Variants in ERC1 observed in about 807,000 individuals in gnomAD.
ERC1 encodes ELKS/RAB6-interacting/CAST family member 1.
ERC1 carries 56 observed loss-of-function variants against 132.0 expected under a neutral mutation model. That is an observed-to-expected ratio of 0.42 (90% confidence interval 0.34 to 0.53). The LOEUF is 0.53. ERC1 is among the 20% of genes least tolerant of loss of function. ERC1 has a pLI of 0.03. For synonymous variants in ERC1, 478 were observed against 476.1 expected (o/e 1.00, Z -0.05); for missense variants, 1,202 against 1,349.9 (o/e 0.89, Z 1.72).
chr12:1,255,790 T>G lies in ERC1; in HGVS notation c.2488-7244T>G, dbSNP rs2076772922. On this transcript the variant is annotated intron_variant, in intron 13 of 18. Transcript: ENST00000360905. ...TGGGACTACAGGCACCCACCACCACTCCTGGCTAATTTTTTTTTGTATTTT... is the reference window on the plus strand; with the variant it reads ...TGGGACTACAGGCACCCACCACCACGCCTGGCTAATTTTTTTTTGTATTTT... Among the ~76,000 whole-genome samples the G allele has an allele frequency of 2.0e-5, 3 of 150,742 alleles. No individual in the cohort carries two copies. The South Asian group carries it at 6.3e-4, about 32-fold the overall frequency.
In ERC1 at chr12:1,027,962, G is replaced by A. The variant is rs549963000; in HGVS notation, c.59G>A (p.Arg20His). The A allele has an allele frequency of 2.0e-5, 33 of 1,614,044 alleles. No homozygotes were observed. Among genetic ancestry groups the A allele is most frequent in the South Asian group, 1.9e-4 (17 of 91,066 alleles). ...GAGCCGAGCAGCCAGAGCCCTGGGC[G>A]TTCACCCAGGCTTCCACGTTCCCCT... ...KVEPSSQSPGRSPRLPRSPRL... is the reference protein window; with the variant it reads ...KVEPSSQSPGHSPRLPRSPRL... The change falls in exon 2 of 19, where the codon CGT becomes CAT. Residue 20 changes from arginine to histidine, a missense_variant. Arg to His is a conservative substitution (Grantham distance 29). Transcript: ENST00000360905.
At chr12:1,093,994 T>C (rs1302067318) in intron 3 of ERC1, among the ~76,000 whole-genome samples, 2 of 126,594 alleles carry the variant, frequency 1.6e-5, no homozygotes, top group Non-Finnish European at 3.4e-5. Flanking sequence ...TAGAAAAACA[T>C]AGAAAATGAA....
chr12:1,405,191 T>A (rs905148721), intron 16 of ERC1, among the ~76,000 whole-genome samples: 1 of 135,168 alleles, frequency 7.4e-6, no homozygotes, highest in Non-Finnish European at 1.6e-5. Flanking sequence ...ATAAATAAAA[T>A]AATATAAAAT....
chr12:1,284,169 C>T (rs1020569706), intron 14 of ERC1, among the ~76,000 whole-genome samples: 2 of 152,070 alleles, frequency 1.3e-5, no homozygotes, highest in East Asian at 1.9e-4. Flanking sequence ...TCTGTCTTTC[C>T]GTGCCTGGCT....
rs67132193 is a variant in ERC1, at chr12:1,225,449, TACACACACACACACAC to T, written c.2352-11291_2352-11276del. Reference sequence around the variant, plus strand: ...AGGACAACAAAATGAGGCTGTCTCTTACACACACACACACACACACACACACACACACACACACACA... The same window carrying T: ...AGGACAACAAAATGAGGCTGTCTCTTACACACACACACACACACACACACA... On this transcript the variant is annotated intron_variant, in intron 12 of 18. Coordinates refer to ENST00000360905, the MANE Select transcript of ERC1 (RefSeq NM_178040.4). Among the ~76,000 whole-genome samples the T allele has an allele frequency of 5.6e-3, 744 of 131,840 alleles. 1 individual carries two copies. Among genetic ancestry groups the T allele is most frequent in the Non-Finnish European group, 8.4e-3 (515 of 60,994 alleles). 86.5% of individuals were successfully genotyped at this position (131,840 alleles called of 152,430 possible).
intron 15 of ERC1, among the ~76,000 whole-genome samples, chr12:1,350,933 T>C (rs2084936716): frequency 6.6e-6 from 1 of 152,140 alleles, no homozygotes; most frequent in Non-Finnish European, 1.5e-5. Flanking sequence ...CCCACTCTCC[T>C]GGGAACTAAT....
chr12:1,261,191 T>G (rs1199138464), intron 13 of ERC1, among the ~76,000 whole-genome samples: 1 of 152,234 alleles, frequency 6.6e-6, no homozygotes, highest in Non-Finnish European at 1.5e-5. Flanking sequence ...TCCTGGGAAG[T>G]TATTTGGAAT....
In ERC1 at chr12:1,421,655, T is replaced by C. The variant is rs111726777; in HGVS notation, c.3024+13408T>C. Among the ~76,000 whole-genome samples the C allele has an allele frequency of 6.8e-3, 1,035 of 152,230 alleles. 16 individuals carry two copies. Among genetic ancestry groups the C allele is most frequent in the African/African-American group, 0.024 (981 of 41,522 alleles). ...CAGTGATGTTATCTATAGGAGTAAT[T>C]GGGGAAGTTACAAATTTTGTAACCT... On this transcript the variant is annotated intron_variant, in intron 17 of 18. Transcript: ENST00000360905.
At chr12:1,012,841 G>A (rs1435829266) in intron 1 of ERC1, among the ~76,000 whole-genome samples, 2 of 152,080 alleles carry the variant, frequency 1.3e-5, no homozygotes, top group African/African-American at 4.8e-5. Flanking sequence ...TTAGAGAGAT[G>A]ACATGCATAT....
At chr12:1,404,157 A>G (rs759596952) in intron 16 of ERC1, among the ~76,000 whole-genome samples, 3 of 152,234 alleles carry the variant, frequency 2.0e-5, no homozygotes, top group South Asian at 2.1e-4. Context: ...AGATCAAGGC[A>G]GCAGCAGATT....
Position 1,446,589 on chromosome 12 carries a change from T to C in ERC1, c.3213+1839T>C, listed in dbSNP as rs560871436. Among the ~76,000 whole-genome samples the C allele has an allele frequency of 2.0e-5, 3 of 152,302 alleles. No individual in the cohort carries two copies. The South Asian group carries it at 6.2e-4, about 32-fold the overall frequency. ...TTGTTTACTCGTGTGTGAAGGTAAATTGTATTTAATACAGAACTTCCTGTG... is the reference window on the plus strand; with the variant it reads ...TTGTTTACTCGTGTGTGAAGGTAAACTGTATTTAATACAGAACTTCCTGTG... On this transcript the variant is annotated intron_variant, in intron 18 of 18. Coordinates refer to ENST00000360905, the MANE Select transcript of ERC1 (RefSeq NM_178040.4).
At chr12:1,393,292 C>G (rs976211416) in intron 16 of ERC1, among the ~76,000 whole-genome samples, 8 of 152,292 alleles carry the variant, frequency 5.3e-5, no homozygotes, top group African/African-American at 1.9e-4. Context: ...CTTTGGGAAA[C>G]TGAAAGGCAA....
At chr12:1,162,938 GTTC>G (rs1357023392) in intron 8 of ERC1, among the ~76,000 whole-genome samples, 1 of 152,036 alleles carries the variant, frequency 6.6e-6, no homozygotes, top group African/African-American at 2.4e-5. Context: ...TCACTTTGCA[GTTC>G]TTTGTTGATG....
intron 8 of ERC1, among the ~76,000 whole-genome samples, chr12:1,147,086 G>A (rs966224756): frequency 4.6e-5 from 7 of 152,154 alleles, no homozygotes; most frequent in East Asian, 3.9e-4. Context: ...ATAAACATAC[G>A]TGTGCATGTG....
At chr12:1,119,412 T>A (rs12579409) in intron 7 of ERC1, among the ~76,000 whole-genome samples, 6 of 152,136 alleles carry the variant, frequency 3.9e-5, no homozygotes, top group African/African-American at 1.4e-4. Flanking sequence ...AGTAATATAG[T>A]GGTTAAAAGC....
chr12:1,234,792 C>T (rs1459163619), intron 12 of ERC1, among the ~76,000 whole-genome samples: 1 of 152,112 alleles, frequency 6.6e-6, no homozygotes, highest in Non-Finnish European at 1.5e-5. Context: ...ACTTTGTACA[C>T]ACCAGAAGTG....
At chr12:1,353,684 G>A (rs74057163) in intron 15 of ERC1, among the ~76,000 whole-genome samples, 10,043 of 152,086 alleles carry the variant, frequency 0.066, 595 homozygotes, top group African/African-American at 0.15. Context: ...GTTCTGTGAG[G>A]TCTCTTGTTA....
intron 15 of ERC1, among the ~76,000 whole-genome samples, chr12:1,344,686 C>CT (rs1246308589): frequency 6.6e-6 from 1 of 152,012 alleles, no homozygotes; most frequent in African/African-American, 2.4e-5. Context: ...TCTAGGAAAA[C>CT]TAACATTTGT....
chr12:1,211,131 G>A (rs746531142), intron 12 of ERC1, among the ~76,000 whole-genome samples: 13 of 152,034 alleles, frequency 8.6e-5, no homozygotes, highest in Non-Finnish European at 1.6e-4. Flanking sequence ...CCCTTCAAAT[G>A]CAATCTTTTA....
Sources: gnomAD v4.1 joint callset for allele counts (sites outside exome capture counted in the v4.1 genomes callset) on GRCh38, gnomAD v4.1.1 for gene constraint, MANE v1.5 for transcripts, NCBI Gene and HGNC (gene_info 2026-07-23, HGNC 2026-07-21) for gene names.